Variants in VCP observed in about 807,000 individuals in gnomAD.
VCP encodes the protein transitional endoplasmic reticulum ATPase.
VCP carries 6 observed loss-of-function variants against 85.7 expected under a neutral mutation model. The observed-to-expected ratio is 0.07, with a 90% CI of 0.04 to 0.14. The LOEUF is 0.14. Among genes scored for constraint, VCP ranks in the 10% least tolerant of loss-of-function variants. VCP has a pLI of 1.00. For synonymous variants in VCP, 384 were observed against 367.1 expected (o/e 1.05, Z -0.53); for missense variants, 353 against 1,043.4 (o/e 0.34, Z 9.12).
rs1828724371 is a variant in VCP, at chr9:35,061,705, C to G, written c.1082-16G>C. 6.3e-7 allele frequency: 1 copy of G among 1,597,680 alleles called. No individual in the cohort carries two copies. The highest frequency in any genetic ancestry group is 1.3e-5 in the African/African-American group (1 of 74,806). ...TCAAAGCGACCTGTGGGACAGTACA[C>G]AAACATAAACAGGGCTCATCTCTAG... On this transcript the variant is annotated splice_polypyrimidine_tract_variant and intron_variant, in intron 9 of 16. Transcript: ENST00000358901.
intron 3 of VCP, among the ~76,000 whole-genome samples, chr9:35,067,141 A>C (rs755641527): frequency 6.6e-6 from 1 of 152,174 alleles, no homozygotes; most frequent in Non-Finnish European, 1.5e-5. Context: ...TAAGCTAACA[A>C]TTGTCAGGGT....
chr9:35,069,874 C>T (rs1828905997), intron 1 of VCP, among the ~76,000 whole-genome samples: 1 of 152,240 alleles, frequency 6.6e-6, no homozygotes, highest in African/African-American at 2.4e-5. Context: ...CGAATTTCTT[C>T]ATTCAACAAA....
intron 5 of VCP, 44 bp downstream of exon 5, chr9:35,065,207 G>T: frequency 1.9e-6 from 3 of 1,613,386 alleles, no homozygotes; most frequent in Non-Finnish European, 2.5e-6. Context: ...ATGCCACACT[G>T]AGTAATCATA....
chr9:35,058,967 T>G (rs1193071676), intron 15 of VCP, 97 bp downstream of exon 15: 1 of 1,540,320 alleles, frequency 6.5e-7, no homozygotes, highest in Non-Finnish European at 8.9e-7. Context: ...AGTTAGATGA[T>G]CTTTCCAACA....
At chr9:35,065,019 C>T (rs1828799776) in intron 5 of VCP, among the ~76,000 whole-genome samples, 1 of 152,148 alleles carries the variant, frequency 6.6e-6, no homozygotes, top group Non-Finnish European at 1.5e-5. Flanking sequence ...AGATGTGTAC[C>T]ACCATGCCTG....
Position 35,056,906 on chromosome 9 carries a change from AC to A in VCP, c.*210del. On this transcript the variant is annotated 3_prime_UTR_variant, in exon 17 of 17. Transcript: ENST00000358901. Reference sequence around the variant, plus strand: ...CCTGTTGGTAATTCACTCTCCGCCTACCAAATGAAAATCGCTTTTATTTTAT... The same window carrying A: ...CCTGTTGGTAATTCACTCTCCGCCTACAAATGAAAATCGCTTTTATTTTAT... 1 of 571,260 alleles carries A rather than the reference AC, an allele frequency of 1.8e-6. No individual in the cohort carries two copies. The highest frequency in any genetic ancestry group is 3.2e-6 in the Non-Finnish European group (1 of 315,850). 35.4% of individuals were successfully genotyped at this position (571,260 alleles called of 1,614,324 possible).
intron 1 of VCP, among the ~76,000 whole-genome samples, chr9:35,071,197 CG>C (rs1165842622): frequency 6.6e-6 from 1 of 151,458 alleles, no homozygotes; most frequent in Non-Finnish European, 1.5e-5. Flanking sequence ...ATACTTTATC[CG>C]AATTCAGAAA....
chr9:35,063,138 C>T, intron 6 of VCP, 58 bp from the exon 7 acceptor site: 1 of 1,506,710 alleles, frequency 6.6e-7, no homozygotes, highest in Non-Finnish European at 9.2e-7. Flanking sequence ...CCTAAAATGG[C>T]TTGACTAGCG....
At chr9:35,060,075 G>A (rs1828691416) in intron 13 of VCP, among the ~76,000 whole-genome samples, 1 of 152,070 alleles carries the variant, frequency 6.6e-6, no homozygotes, top group Non-Finnish European at 1.5e-5. Flanking sequence ...AGGTTACAGT[G>A]AGCCATGACT....
At chr9:35,071,676 A>G in intron 1 of VCP, 1 of 981,374 alleles carries the variant, frequency 1.0e-6, no homozygotes, top group Non-Finnish European at 1.2e-6. Flanking sequence ...GCCTAAAGTA[A>G]GAAGACCAGA....
chr9:35,057,513 A>G lies in VCP; in HGVS notation c.2178T>C (p.Asp726=). The change falls in exon 16 of 17, where the codon GAT becomes GAC. Residue 726 remains aspartate, a synonymous_variant. Coordinates refer to ENST00000358901, the MANE Select transcript of VCP (RefSeq NM_007126.5). ...NPSAMEVEED[D]PVPEIRRDHF... ...GATCTCGACGGATCTCAGGCACTGG[A>G]TCATCCTCTTCTACCTCCTATAGTT... 1 of 1,611,552 alleles carries G rather than the reference A, an allele frequency of 6.2e-7. No individual in the cohort carries two copies. Among genetic ancestry groups the G allele is most frequent in the Non-Finnish European group, 8.5e-7 (1 of 1,180,032 alleles).
rs879074973 is a variant in VCP at position 35,072,568 on chromosome 9, T to TGGCAGC, written c.-221_-216dup. On this transcript the variant is annotated 5_prime_UTR_variant, in exon 1 of 17. Transcript: ENST00000358901. Reference sequence around the variant, plus strand: ...CTGATCCGCGAGGTGGCAGTGGCAGTGGCAGCGGCAGCGGCAGCGACGACT... The same window carrying TGGCAGC: ...CTGATCCGCGAGGTGGCAGTGGCAGTGGCAGCGGCAGCGGCAGCGGCAGCGACGACT... 0.012 allele frequency: 6,591 copies of TGGCAGC among 532,088 alleles called. 96 individuals carry two copies. Among genetic ancestry groups the TGGCAGC allele is most frequent in the South Asian group, 0.04 (1,256 of 31,520 alleles). The allele number at this position is 532,088 out of a possible 1,614,324, so 33.0% of individuals were successfully genotyped here.
rs1298186152 is a variant in VCP, at chr9:35,068,069, G to C, written c.130-6C>G. On this transcript the variant is annotated splice_region_variant and splice_polypyrimidine_tract_variant and intron_variant, in intron 2 of 16. Coordinates refer to ENST00000358901, the MANE Select transcript of VCP (RefSeq NM_007126.5). Reference sequence around the variant, plus strand: ...TGCAATTCATCCATCTTGGGCTGAGGAAAGAAAGTTAAGGCCTTTGGGTCA... The same window carrying C: ...TGCAATTCATCCATCTTGGGCTGAGCAAAGAAAGTTAAGGCCTTTGGGTCA... The C allele has an allele frequency of 6.2e-7, 1 of 1,614,082 alleles. No individual in the cohort carries two copies. The highest frequency in any genetic ancestry group is 8.5e-7 in the Non-Finnish European group (1 of 1,180,052).
rs374812067 is a variant in VCP, at chr9:35,060,145, GA to G, written c.1695+167del. 9.0e-3 allele frequency among the ~76,000 whole-genome samples: 1,323 copies of G among 147,788 alleles called. 12 individuals are homozygous for G. The highest frequency in any genetic ancestry group is 0.011 in the Non-Finnish European group (764 of 66,624). ...GACCCTGTCTCAAGAGAGAGAGAGA[GA>G]AAAAAAAAATAACACTAGGTCTCTC... On this transcript the variant is annotated intron_variant, in intron 13 of 16. Transcript: ENST00000358901.
At chr9:35,063,612 G>C (rs777292314) in intron 6 of VCP, among the ~76,000 whole-genome samples, 15 of 152,128 alleles carry the variant, frequency 9.9e-5, no homozygotes, top group Non-Finnish European at 1.5e-4. Context: ...TGTCCACATA[G>C]AAAATGAAAT....
Position 35,059,642 on chromosome 9 carries a change from T to C in VCP, c.1855A>G (p.Ile619Val). 1 of 1,614,160 alleles carries C rather than the reference T, an allele frequency of 6.2e-7. No homozygotes were observed. Among genetic ancestry groups the C allele is most frequent in the Non-Finnish European group, 8.5e-7 (1 of 1,180,026 alleles). Reference protein sequence around the residue: ...DGMSTKKNVFIIGATNRPDII... With the variant: ...DGMSTKKNVFVIGATNRPDII... Reference sequence around the variant, plus strand: ...TCAGGCCGGTTGGTAGCGCCAATGATGAACACATTTTTTTTTGTGGACATG... The same window carrying C: ...TCAGGCCGGTTGGTAGCGCCAATGACGAACACATTTTTTTTTGTGGACATG... Residue 619 changes from isoleucine to valine, a missense_variant, in exon 14 of 17, where the codon ATC becomes GTC. This residue lies in a region of VCP where 30 missense variants were observed against 192.3 expected (regional missense o/e 0.16). Transcript: ENST00000358901. This position sits in a 1 kb window ranked among gnomAD's most constrained non-coding sequence, Gnocchi z 4.9.
In VCP at chr9:35,056,132, G is replaced by A. The variant is rs1828598512; in HGVS notation, c.*985C>T. ...AAAATAAAGGTGGACACAACTGTAA[G>A]TGATCACCAACCAGGGGATGTTTGG... is the stretch of plus-strand genomic sequence containing the variant. On this transcript the variant is annotated 3_prime_UTR_variant, in exon 17 of 17. Coordinates refer to ENST00000358901, the MANE Select transcript of VCP (RefSeq NM_007126.5). The A allele has an allele frequency of 6.6e-6, 1 of 151,492 alleles. No individual in the cohort carries two copies. Among genetic ancestry groups the A allele is most frequent in the Non-Finnish European group, 1.5e-5 (1 of 67,952 alleles). The allele number at this position is 151,492 out of a possible 1,614,324, so 9.4% of individuals were successfully genotyped here.
intron 4 of VCP, among the ~76,000 whole-genome samples, 157 bp from the exon 5 acceptor site, chr9:35,065,538 T>A (rs1044972894): frequency 6.6e-6 from 1 of 152,178 alleles, no homozygotes; most frequent in African/African-American, 2.4e-5. Context: ...CCTGTCTTAA[T>A]AAGCAGCAGG....
At chr9:35,066,562 G>C in intron 4 of VCP, 113 bp downstream of exon 4, 1 of 1,409,036 alleles carries the variant, frequency 7.1e-7, no homozygotes, top group Non-Finnish European at 9.6e-7. Context: ...AATAAATACA[G>C]GGGAAAAGCA....
Sources: allele counts gnomAD v4.1 joint callset (sites outside exome capture counted in the v4.1 genomes callset), GRCh38; gene constraint gnomAD v4.1.1; regional missense constraint gnomAD v4.1.1; non-coding constraint Gnocchi (gnomAD v3.1); transcripts MANE v1.5; gene names NCBI Gene and HGNC (gene_info 2026-07-23, HGNC 2026-07-21).